SAMD5: variants seen among roughly 807,000 people sequenced by gnomAD.
The protein encoded by SAMD5 is sterile alpha motif domain containing 5.
In SAMD5, 13 loss-of-function variants were observed where a neutral mutation model predicts 11.3. The observed-to-expected ratio is 1.15, with a 90% CI of 0.75 to 1.83. SAMD5 has a LOEUF of 1.83. SAMD5 is among the 40% of genes most tolerant of loss of function. SAMD5 has a pLI of 0.00. For missense variants in SAMD5, 255 were observed against 239.1 expected, an observed-to-expected ratio of 1.07 and a Z score of -0.44; for synonymous variants, 129 against 111.3, an observed-to-expected ratio of 1.16 and a Z score of -1.00.
chr6:147,684,912 G>GA (rs1369235477), intron 1 of SAMD5, among the ~76,000 whole-genome samples: 1 of 152,082 alleles, frequency 6.6e-6, no homozygotes, highest in African/African-American at 2.4e-5. Context: ...GTAGGGAAAT[G>GA]AAAAAATTAG....
the SAMD5 span, among the ~76,000 whole-genome samples, chr6:147,853,228 A>G: frequency 6.6e-6 from 1 of 152,078 alleles, no homozygotes; most frequent in African/African-American, 2.4e-5. Context: ...TCTAAGTCTC[A>G]GTAATTGGAT....
chr6:147,523,474 C>A (rs913852411), intron 1 of SAMD5, among the ~76,000 whole-genome samples: 5 of 152,146 alleles, frequency 3.3e-5, no homozygotes, highest in Admixed American at 6.5e-5. Context: ...GCACCCAACA[C>A]TTTCCAAGGT....
the SAMD5 span, among the ~76,000 whole-genome samples, chr6:147,804,111 C>CT: frequency 0.012 from 1,621 of 132,122 alleles, 12 homozygotes; most frequent in Non-Finnish European, 0.014. Flanking sequence ...TTGAAGATAT[C>CT]TTTTTTTTTT....
intron 1 of SAMD5, among the ~76,000 whole-genome samples, chr6:147,718,599 C>T (rs1186092744): frequency 6.6e-6 from 1 of 152,144 alleles, no homozygotes; most frequent in Non-Finnish European, 1.5e-5. Flanking sequence ...ATAGAAACTT[C>T]AAGGAATTGA....
intron 1 of SAMD5, among the ~76,000 whole-genome samples, chr6:147,699,010 G>T (rs1791216752): frequency 6.6e-6 from 1 of 152,148 alleles, no homozygotes; most frequent in Non-Finnish European, 1.5e-5. Flanking sequence ...AGTTGGGAGT[G>T]CTGGGGTAGA....
intron 1 of SAMD5, among the ~76,000 whole-genome samples, chr6:147,701,435 A>G (rs1791251436): frequency 6.6e-6 from 1 of 152,070 alleles, no homozygotes; most frequent in Non-Finnish European, 1.5e-5. Flanking sequence ...GGAGTTGGAG[A>G]CCCGCCTGGC....
the SAMD5 span, among the ~76,000 whole-genome samples, chr6:147,946,726 T>C: frequency 1.3e-5 from 2 of 152,302 alleles, no homozygotes; most frequent in East Asian, 3.9e-4. Context: ...GGTCTGTAGC[T>C]GAGGTAACAG....
At chr6:147,635,529 G>A (rs530884982) in intron 1 of SAMD5, among the ~76,000 whole-genome samples, 41 of 152,164 alleles carry the variant, frequency 2.7e-4, no homozygotes, top group African/African-American at 9.2e-4. Flanking sequence ...AGTCTATTTC[G>A]ACTTCATGCT....
rs749692662 is a variant in SAMD5 at position 147,637,858 on chromosome 6, CG to C, written c.163-99457del. ...GCATCTTCCTTTTCAAAAGCAAGTT[CG>C]GTTTTTTTTTTTTTTCATTTTAAAC... On this transcript the variant is annotated intron_variant, in intron 1 of 1. Coordinates refer to the SAMD5 transcript ENST00000566741. Among the ~76,000 whole-genome samples, 15 of 119,170 alleles carry C rather than the reference CG, an allele frequency of 1.3e-4. No individual in the cohort carries two copies. The East Asian group carries it at 2.0e-3, about 16-fold the overall frequency. 78.2% of individuals were successfully genotyped at this position (119,170 alleles called of 152,430 possible). A position where few individuals can be genotyped will look rare whatever the true frequency, so the allele number is the denominator to read the frequency against.
intron 1 of SAMD5, among the ~76,000 whole-genome samples, chr6:147,680,288 T>A (rs1790923245): frequency 6.6e-6 from 1 of 152,148 alleles, no homozygotes; most frequent in African/African-American, 2.4e-5. Context: ...TTACATATTT[T>A]GATGTTATAA....
At chr6:147,727,247 C>T (rs993575907) in intron 1 of SAMD5, among the ~76,000 whole-genome samples, 2 of 152,156 alleles carry the variant, frequency 1.3e-5, no homozygotes, top group Non-Finnish European at 2.9e-5. Context: ...GTCCAGAATG[C>T]CTTTGCTGGC....
Position 147,565,553 on chromosome 6 carries a change from G to C in SAMD5, c.*1097G>C, listed in dbSNP as rs1439312070. 1 of 597,570 alleles carries C rather than the reference G, an allele frequency of 1.7e-6. No individual in the cohort carries two copies. The highest frequency in any genetic ancestry group is 2.0e-5 in the African/African-American group (1 of 49,292). 37.0% of individuals were successfully genotyped at this position (597,570 alleles called of 1,614,324 possible). On this transcript the variant is annotated 3_prime_UTR_variant, in exon 2 of 2. Transcript: ENST00000367474. ...GGCTCACAGTGACTTTCGCCTCCCA[G>C]GTTCAAGGAATTCTCCTGCCTCGGC...
intron 1 of SAMD5, among the ~76,000 whole-genome samples, chr6:147,546,557 G>A (rs1490893884): frequency 7.4e-6 from 1 of 135,788 alleles, no homozygotes; most frequent in Non-Finnish European, 1.6e-5. Flanking sequence ...AGTGAGGCCT[G>A]GAAGTGACTT....
chr6:147,736,204 A>T (rs1791800983), intron 1 of SAMD5, among the ~76,000 whole-genome samples: 1 of 152,212 alleles, frequency 6.6e-6, no homozygotes, highest in Non-Finnish European at 1.5e-5. Context: ...TATCAATCTC[A>T]TTCAGTGTTG....
intron 1 of SAMD5, among the ~76,000 whole-genome samples, chr6:147,666,646 A>C (rs776588139): frequency 1.6e-4 from 24 of 152,158 alleles, no homozygotes; most frequent in Non-Finnish European, 2.9e-4. Context: ...ATCAGATTTA[A>C]AATGAGGTGA....
chr6:147,769,257 C>G, the SAMD5 span, among the ~76,000 whole-genome samples: 1 of 152,226 alleles, frequency 6.6e-6, no homozygotes. Flanking sequence ...AAGCAGATTG[C>G]AACGAATCAA....
the SAMD5 span, among the ~76,000 whole-genome samples, chr6:147,770,548 A>G: frequency 1.3e-5 from 2 of 152,356 alleles, no homozygotes; most frequent in South Asian, 2.1e-4. Context: ...TAAATCTGAT[A>G]TGAAATGGGG....
intron 1 of SAMD5, among the ~76,000 whole-genome samples, chr6:147,637,805 T>A (rs1458595131): frequency 6.6e-6 from 1 of 152,014 alleles, no homozygotes; most frequent in African/African-American, 2.4e-5. Context: ...TAGGCTGTCA[T>A]CAGAGTGCTT....
intron 1 of SAMD5, among the ~76,000 whole-genome samples, chr6:147,659,823 C>G (rs12175300): frequency 3.3e-5 from 5 of 152,030 alleles, no homozygotes; most frequent in Non-Finnish European, 7.3e-5. Context: ...ATTTTCATAA[C>G]TTGTAGTAGC....
Sources: gnomAD v4.1 joint callset for allele counts (sites outside exome capture counted in the v4.1 genomes callset) on GRCh38, gnomAD v4.1.1 for gene constraint, MANE v1.5 for transcripts, NCBI Gene and HGNC (gene_info 2026-07-23, HGNC 2026-07-21) for gene names.